Variants in ECHDC1 observed in about 807,000 individuals in gnomAD.
The protein encoded by ECHDC1 is ethylmalonyl-CoA decarboxylase 1.
Under a neutral mutation model 29.7 loss-of-function variants are expected in ECHDC1, and 29 were observed. That is an observed-to-expected ratio of 0.98 (90% CI 0.73 to 1.33). The LOEUF is 1.33. Ranked by LOEUF, ECHDC1 falls within the 40% of genes most tolerant of loss-of-function variation. ECHDC1 has a pLI of 0.00. For missense variants in ECHDC1, 328 were observed against 350.0 expected (o/e 0.94, Z 0.50); for synonymous variants, 126 against 123.1 (o/e 1.02, Z -0.15).
chr6:127,306,010 A>G (rs191905248), intron 5 of ECHDC1, among the ~76,000 whole-genome samples: 136 of 151,234 alleles, frequency 9.0e-4, no homozygotes, highest in African/African-American at 3.2e-3. Context: ...ACTGGTTGAT[A>G]GATTAAAAAA....
intron 5 of ECHDC1, among the ~76,000 whole-genome samples, chr6:127,299,734 G>A (rs77752188): frequency 0.012 from 1,892 of 152,214 alleles, 22 homozygotes; most frequent in Non-Finnish European, 0.022. Context: ...CATTCTAAGT[G>A]TACAGTAATG....
At chr6:127,330,736 G>A (rs1783846119) in intron 2 of ECHDC1, 73 bp downstream of exon 2, 7 of 1,305,270 alleles carry the variant, frequency 5.4e-6, no homozygotes, top group Admixed American at 2.0e-5. Context: ...TGTCACCACA[G>A]CAAGGATAAA....
intron 1 of ECHDC1, among the ~76,000 whole-genome samples, chr6:127,338,234 C>T (rs925855497): frequency 6.6e-6 from 1 of 152,020 alleles, no homozygotes; most frequent in South Asian, 2.1e-4. Context: ...AGTGATCACC[C>T]CATTGTTAGC....
Position 127,289,960 on chromosome 6 carries a change from G to T in ECHDC1, c.815C>A (p.Ala272Glu). ...TAAAAGATCTCTTTCGTTCTGTAATGCTTCCTCCAAATATAGCTCTCTGCC... is the reference window on the plus strand; with the variant it reads ...TAAAAGATCTCTTTCGTTCTGTAATTCTTCCTCCAAATATAGCTCTCTGCC... ...CSGRELYLEE[A>E]LQNERDLLGT... Residue 272 changes from alanine (A) to glutamate (E), a missense_variant, in exon 6 of 6, where the codon GCA becomes GAA. Physicochemically the swap from Ala to Glu is moderately radical, Grantham distance 107 (BLOSUM62 -1). Coordinates refer to ENST00000454859, the MANE Select transcript of ECHDC1 (RefSeq NM_001002030.2). The T allele has an allele frequency of 6.2e-7, 1 of 1,613,588 alleles. No homozygotes were observed. Among genetic ancestry groups the T allele is most frequent in the Non-Finnish European group, 8.5e-7 (1 of 1,179,702 alleles).
chr6:127,334,276 T>G (rs184816834), intron 1 of ECHDC1, among the ~76,000 whole-genome samples: 2 of 152,262 alleles, frequency 1.3e-5, no homozygotes, highest in Non-Finnish European at 2.9e-5. Flanking sequence ...CCTGAACTAT[T>G]CATTGTATCA....
chr6:127,328,504 C>G (rs1170674633), intron 2 of ECHDC1, among the ~76,000 whole-genome samples: 1 of 152,150 alleles, frequency 6.6e-6, no homozygotes, highest in Non-Finnish European at 1.5e-5. Context: ...CACACAATGA[C>G]AGAGTCACCT....
Position 127,336,438 on chromosome 6 carries a change from C to G in ECHDC1, c.-2-5408G>C, listed in dbSNP as rs75060070. 5.2e-3 allele frequency among the ~76,000 whole-genome samples: 784 copies of G among 152,196 alleles called. 4 individuals carry two copies. Among genetic ancestry groups the G allele is most frequent in the African/African-American group, 0.018 (748 of 41,524 alleles). ...TCTTTCCCTTATATAGCTCCATTACCCAAAACTGCAGTCTGGTTCAAAGAC... is the reference window on the plus strand; with the variant it reads ...TCTTTCCCTTATATAGCTCCATTACGCAAAACTGCAGTCTGGTTCAAAGAC... On this transcript the variant is annotated intron_variant, in intron 1 of 5. Transcript: ENST00000454859.
At chr6:127,310,410 G>T (rs559203285) in intron 5 of ECHDC1, among the ~76,000 whole-genome samples, 255 of 151,918 alleles carry the variant, frequency 1.7e-3, no homozygotes, top group African/African-American at 5.9e-3. Flanking sequence ...AAAAAAAGTT[G>T]TTTTCAATCC....
chr6:127,312,011 A>C (rs1781984221), intron 5 of ECHDC1, among the ~76,000 whole-genome samples: 1 of 151,374 alleles, frequency 6.6e-6, no homozygotes, highest in African/African-American at 2.4e-5. Context: ...GAGAAGTTGA[A>C]AACATTTTAA....
At chr6:127,335,994 A>G (rs183343010) in intron 1 of ECHDC1, among the ~76,000 whole-genome samples, 94 of 152,246 alleles carry the variant, frequency 6.2e-4, no homozygotes, top group African/African-American at 2.2e-3. Context: ...CCTCCTGAAG[A>G]ACTAGAAAGC....
intron 1 of ECHDC1, among the ~76,000 whole-genome samples, chr6:127,340,852 G>T (rs1784878263): frequency 6.6e-6 from 1 of 152,088 alleles, no homozygotes; most frequent in Non-Finnish European, 1.5e-5. Flanking sequence ...CATTTTGTGG[G>T]AAAGTAGAAT....
At chr6:127,342,175 A>T (rs1367649523) in intron 1 of ECHDC1, among the ~76,000 whole-genome samples, 3 of 152,220 alleles carry the variant, frequency 2.0e-5, no homozygotes, top group Non-Finnish European at 4.4e-5. Context: ...TGTATCTCTC[A>T]TCACCACTCT....
At position 127,315,118 on chromosome 6, in the gene ECHDC1, T is replaced by G. The variant is rs767534232; in HGVS notation, c.417-222A>C. 126 of 670,370 alleles carry G rather than the reference T, an allele frequency of 1.9e-4. No individual in the cohort carries two copies. The South Asian group carries it at 1.9e-3, about 10-fold the overall frequency. The allele number at this position is 670,370 out of a possible 1,614,324, so 41.5% of individuals were successfully genotyped here. ...ACAATAGTTCACAATAAATGCCACA[T>G]AAGTTCATTAAAATACCTCCCTGAA... is the stretch of plus-strand genomic sequence containing the variant. On this transcript the variant is annotated intron_variant, in intron 4 of 5. Coordinates refer to ENST00000454859, the MANE Select transcript of ECHDC1 (RefSeq NM_001002030.2).
chr6:127,316,329 T>C (rs1782372683), intron 4 of ECHDC1, 121 bp downstream of exon 4: 4 of 777,538 alleles, frequency 5.1e-6, no homozygotes, highest in Non-Finnish European at 6.2e-6. Context: ...AAATAGTACA[T>C]CATTAGAATA....
At chr6:127,341,606 T>G (rs1583027074) in intron 1 of ECHDC1, 1 of 152,174 alleles carries the variant, frequency 6.6e-6, no homozygotes, top group South Asian at 2.1e-4. Flanking sequence ...CAAAGAAGAT[T>G]CAGTGGAGCT....
intron 2 of ECHDC1, among the ~76,000 whole-genome samples, chr6:127,327,619 C>A (rs774340380): frequency 1.4e-4 from 22 of 152,072 alleles, no homozygotes; most frequent in Non-Finnish European, 3.2e-4. Flanking sequence ...TCCTATACTA[C>A]TGACATCAGA....
intron 3 of ECHDC1, chr6:127,318,023 T>G (rs1782540618): frequency 1.3e-5 from 2 of 152,204 alleles, no homozygotes; most frequent in South Asian, 2.1e-4. Context: ...TTTTTCCTCT[T>G]AAATATAATC....
intron 5 of ECHDC1, 42 bp from the exon 6 acceptor site, chr6:127,290,319 T>A: frequency 1.3e-6 from 2 of 1,567,694 alleles, no homozygotes; most frequent in Non-Finnish European, 1.7e-6. Flanking sequence ...ACTCTCTCTG[T>A]ATGCTCTAAT....
At chr6:127,290,910 A>T (rs1279027389) in intron 5 of ECHDC1, among the ~76,000 whole-genome samples, 1 of 152,060 alleles carries the variant, frequency 6.6e-6, no homozygotes, top group Non-Finnish European at 1.5e-5. Context: ...TGAATTGAGG[A>T]TATGTGTGCT....
Sources: allele counts gnomAD v4.1 joint callset (sites outside exome capture counted in the v4.1 genomes callset), GRCh38; gene constraint gnomAD v4.1.1; transcripts MANE v1.5; gene names NCBI Gene and HGNC (gene_info 2026-07-23, HGNC 2026-07-21).